DCLRE1A: variants seen among roughly 807,000 people sequenced by gnomAD.
DCLRE1A encodes DNA cross-link repair 1A protein.
A neutral mutation model predicts 91.9 loss-of-function variants in DCLRE1A; 64 were observed. That is an observed-to-expected ratio of 0.70 (90% confidence interval 0.57 to 0.86). DCLRE1A has a LOEUF of 0.86. Among genes scored for constraint, DCLRE1A ranks in the 40% least tolerant of loss-of-function variants. The pLI, the probability that DCLRE1A is intolerant of heterozygous loss-of-function variation, is 0.00. For synonymous variants in DCLRE1A, 416 were observed against 431.1 expected (o/e 0.96, Z 0.43); for missense variants, 1,145 against 1,213.3 (o/e 0.94, Z 0.84).
rs1352517831 is a variant in DCLRE1A at position 113,850,374 on chromosome 10, G to T, written c.731C>A (p.Ala244Asp). The change falls in exon 2 of 9, where the codon GCC becomes GAC. Residue 244 changes from alanine (A) to aspartate (D), a missense_variant. Coordinates refer to ENST00000361384, the MANE Select transcript of DCLRE1A (RefSeq NM_014881.5). ...YFKKSPSLTE[A>D]SEKISTHIQT... Reference sequence around the variant, plus strand: ...GATATGAGTAGAAATCTTTTCACTGGCTTCAGTCAGAGACGGAGACTTTTT... The same window carrying T: ...GATATGAGTAGAAATCTTTTCACTGTCTTCAGTCAGAGACGGAGACTTTTT... The T allele has an allele frequency of 6.2e-7, 1 of 1,614,178 alleles. No homozygotes were observed. The highest frequency in any genetic ancestry group is 8.5e-7 in the Non-Finnish European group (1 of 1,180,030).
Position 113,849,360 on chromosome 10 carries a change from C to T in DCLRE1A, c.1745G>A (p.Gly582Glu). Residue 582 changes from glycine (G) to glutamate (E), a missense_variant, in exon 2 of 9, where the codon GGG becomes GAG. Transcript: ENST00000361384. Reference sequence around the variant, plus strand: ...ACTTGGAACTGGATTTAAGTTTATCCCTTCTAATGCACTTTCCCCTAGCAA... The same window carrying T: ...ACTTGGAACTGGATTTAAGTTTATCTCTTCTAATGCACTTTCCCCTAGCAA... The part of the protein sequence containing the change: ...EKLLGESALE[G>E]INLNPVPSPN... 1 of 1,614,020 alleles carries T rather than the reference C, an allele frequency of 6.2e-7. No individual in the cohort carries two copies. Among genetic ancestry groups the T allele is most frequent in the African/African-American group, 1.3e-5 (1 of 75,032 alleles).
chr10:113,851,375 A>C (rs1371490496), intron 1 of DCLRE1A, among the ~76,000 whole-genome samples: 1 of 152,170 alleles, frequency 6.6e-6, no homozygotes, highest in African/African-American at 2.4e-5. Context: ...TAATAATAAA[A>C]TGTATTCTGA....
At chr10:113,848,308 C>G (rs1246671595) in intron 2 of DCLRE1A, among the ~76,000 whole-genome samples, 1 of 152,002 alleles carries the variant, frequency 6.6e-6, no homozygotes, top group Non-Finnish European at 1.5e-5. Flanking sequence ...CAGAGCGAGA[C>G]TCTGTCTTTA....
intron 7 of DCLRE1A, among the ~76,000 whole-genome samples, chr10:113,841,185 T>C (rs1245361443): frequency 6.6e-6 from 1 of 152,246 alleles, no homozygotes; most frequent in Non-Finnish European, 1.5e-5. Flanking sequence ...TATATATTAG[T>C]TCTCTAGCTC....
chr10:113,848,126 G>A (rs549815973), intron 2 of DCLRE1A, among the ~76,000 whole-genome samples: 29 of 152,112 alleles, frequency 1.9e-4, no homozygotes, highest in African/African-American at 6.0e-4. Context: ...ATCCTGGCTA[G>A]CACGGTGAAA....
intron 7 of DCLRE1A, among the ~76,000 whole-genome samples, chr10:113,839,391 A>C (rs1299911182): frequency 2.0e-5 from 3 of 149,426 alleles, no homozygotes; most frequent in Non-Finnish European, 4.5e-5. Flanking sequence ...GGGACAGGGG[A>C]GGAAAAAAAA....
intron 8 of DCLRE1A, 139 bp downstream of exon 8, chr10:113,836,923 G>C (rs1023141058): frequency 9.8e-6 from 7 of 712,716 alleles, no homozygotes; most frequent in Non-Finnish European, 1.5e-5. Context: ...TACAGGATTA[G>C]AGTTGTAGAG....
chr10:113,853,430 G>A lies in DCLRE1A; in HGVS notation c.-248C>T. ...AAACTAAGATAAACCTATCACAGGA[G>A]TAGCAACTGTGAAGTTCTCCATTAT... On this transcript the variant is annotated 5_prime_UTR_variant, in exon 1 of 9. Coordinates refer to ENST00000361384, the MANE Select transcript of DCLRE1A (RefSeq NM_014881.5). 1 of 377,216 alleles carries A rather than the reference G, an allele frequency of 2.7e-6. No homozygotes were observed. Among genetic ancestry groups the A allele is most frequent in the Non-Finnish European group, 4.7e-6 (1 of 212,206 alleles). The allele number at this position is 377,216 out of a possible 1,614,324, so 23.4% of individuals were successfully genotyped here.
chr10:113,843,672 T>G (rs1845482514), intron 5 of DCLRE1A, among the ~76,000 whole-genome samples: 1 of 152,236 alleles, frequency 6.6e-6, no homozygotes, highest in Non-Finnish European at 1.5e-5. Flanking sequence ...ACTCAGGAAT[T>G]CAAAACTGTC....
chr10:113,850,357 T>C lies in DCLRE1A; in HGVS notation c.748A>G (p.Thr250Ala), dbSNP rs746285043. ...GCTTGTTGGGATGTTTGGATATGAG[T>C]AGAAATCTTTTCACTGGCTTCAGTC... Reference protein sequence around the residue: ...SLTEASEKISTHIQTSQQALQ... With the variant: ...SLTEASEKISAHIQTSQQALQ... Residue 250 changes from threonine (T) to alanine (A), a missense_variant, in exon 2 of 9, where the codon ACT (threonine) becomes GCT (alanine). By Grantham distance (58) the Thr-to-Ala change is moderately conservative. Transcript: ENST00000361384. 2.5e-6 allele frequency: 4 copies of C among 1,614,184 alleles called. No homozygotes were observed. The highest frequency in any genetic ancestry group is 3.3e-5 in the Admixed American group (2 of 60,022).
chr10:113,843,557 C>T (rs191804982), intron 5 of DCLRE1A, among the ~76,000 whole-genome samples: 1 of 152,186 alleles, frequency 6.6e-6, no homozygotes, highest in Non-Finnish European at 1.5e-5. Context: ...TATATAAAAT[C>T]ACATCATACA....
chr10:113,853,291 A>C lies in DCLRE1A; in HGVS notation c.-109T>G. The C allele has an allele frequency of 1.8e-6, 2 of 1,119,326 alleles. No individual in the cohort carries two copies. Among genetic ancestry groups the C allele is most frequent in the Non-Finnish European group, 2.4e-6 (2 of 818,632 alleles). The allele number at this position is 1,119,326 out of a possible 1,614,324, so 69.3% of individuals were successfully genotyped here. On this transcript the variant is annotated 5_prime_UTR_variant, in exon 1 of 9. Transcript: ENST00000361384. ...ATTATTTTGCTGAGAAAAAAAACAA[A>C]GGTAACAAAACCCCCACCAACTCAA...
At chr10:113,850,679 C>A (rs1176527291) in intron 1 of DCLRE1A, 35 bp from the exon 2 acceptor site, 2 of 1,495,528 alleles carry the variant, frequency 1.3e-6, no homozygotes, top group South Asian at 2.7e-5. Context: ...ATTACACGAT[C>A]AAAGCATAGA....
intron 5 of DCLRE1A, among the ~76,000 whole-genome samples, chr10:113,843,197 T>C (rs1478921522): frequency 1.3e-5 from 2 of 152,070 alleles, no homozygotes; most frequent in Non-Finnish European, 2.9e-5. Flanking sequence ...AAAAATGTAA[T>C]AAACTGCAAA....
chr10:113,850,597 T>C lies in DCLRE1A; in HGVS notation c.508A>G (p.Lys170Glu), dbSNP rs775335140. The C allele has an allele frequency of 6.2e-7, 1 of 1,613,566 alleles. No homozygotes were observed. The highest frequency in any genetic ancestry group is 8.5e-7 in the Non-Finnish European group (1 of 1,179,696). ...LCTSTIPFHY[K>E]RYTHFLLAQS... ...GCTAGCAGGAAGTGAGTGTATCTCT[T>C]GTAATGAAAAGGAATGGTTGAGGTA... Residue 170 changes from lysine (K) to glutamate (E), a missense_variant, in exon 2 of 9, where the codon AAG (lysine) becomes GAG (glutamate). Physicochemically the swap from Lys to Glu is moderately conservative, Grantham distance 56. Coordinates refer to ENST00000361384, the MANE Select transcript of DCLRE1A (RefSeq NM_014881.5).
intron 7 of DCLRE1A, 128 bp downstream of exon 7, chr10:113,841,278 G>T: frequency 9.3e-7 from 1 of 1,076,620 alleles, no homozygotes; most frequent in Non-Finnish European, 1.3e-6. Context: ...CCTCTTAAAA[G>T]ATTGTCTAGG....
At chr10:113,843,149 T>C (rs1845473990) in intron 5 of DCLRE1A, among the ~76,000 whole-genome samples, 1 of 152,074 alleles carries the variant, frequency 6.6e-6, no homozygotes, top group African/African-American at 2.4e-5. Flanking sequence ...ACTATCTATC[T>C]ATCTATATTT....
Position 113,836,769 on chromosome 10 carries a change from C to CTTCCAGTA in DCLRE1A, c.2962+285_2962+292dup, listed in dbSNP as rs1394693663. Among the ~76,000 whole-genome samples the CTTCCAGTA allele has an allele frequency of 5.9e-5, 9 of 152,336 alleles. No individual in the cohort carries two copies. In the South Asian group the frequency reaches 8.3e-4, roughly 14 times the overall value. ...TCCCAATCTCACATTGTCATCTATA[C>CTTCCAGTA]TTCCAGTATACAACCACAGTAGTCC... On this transcript the variant is annotated intron_variant, in intron 8 of 8. Transcript: ENST00000361384.
intron 8 of DCLRE1A, among the ~76,000 whole-genome samples, chr10:113,835,827 C>T (rs1184063383): frequency 6.6e-6 from 1 of 152,078 alleles, no homozygotes; most frequent in Non-Finnish European, 1.5e-5. Flanking sequence ...CCCAGCTACT[C>T]GAGAGGCTGA....
Sources: allele counts gnomAD v4.1 joint callset (sites outside exome capture counted in the v4.1 genomes callset), GRCh38; gene constraint gnomAD v4.1.1; transcripts MANE v1.5; gene names NCBI Gene and HGNC (gene_info 2026-07-23, HGNC 2026-07-21).